Variants in HP1BP3 observed in about 807,000 individuals in gnomAD.
The protein encoded by HP1BP3 is heterochromatin protein 1 binding protein 3.
HP1BP3 carries 12 observed loss-of-function variants against 62.5 expected under a neutral mutation model. The observed-to-expected ratio is 0.19, with a 90% CI of 0.12 to 0.31. HP1BP3 has a LOEUF of 0.31. Ranked by LOEUF, HP1BP3 falls within the 10% of genes least tolerant of loss-of-function variation. HP1BP3 has a pLI of 1.00. For missense variants in HP1BP3, 502 were observed against 651.8 expected, an observed-to-expected ratio of 0.77 and a Z score of 2.50; for synonymous variants, 260 against 237.8, an observed-to-expected ratio of 1.09 and a Z score of -0.86.
At chr1:20,763,412 TA>T (rs1359300523) in intron 8 of HP1BP3, among the ~76,000 whole-genome samples, 1 of 152,256 alleles carries the variant, frequency 6.6e-6, no homozygotes. Context: ...TCTTTTGCAC[TA>T]TTTCACTAGC....
intron 12 of HP1BP3, 31 bp downstream of exon 12, chr1:20,745,512 C>G: frequency 6.2e-7 from 1 of 1,608,280 alleles, no homozygotes; most frequent in Non-Finnish European, 8.5e-7. Context: ...ATTTAGTGTC[C>G]TCCCCACAAG....
rs150174738 is a variant in HP1BP3 at position 20,784,887 on chromosome 1, C to A, written c.-101+2308G>T. Among the ~76,000 whole-genome samples the A allele has an allele frequency of 3.7e-3, 566 of 152,262 alleles. 4 individuals are homozygous for A. The highest frequency in any genetic ancestry group is 0.013 in the African/African-American group (537 of 41,534). ...ATCAGCTTGCTTAAACTTAATGTTACAACAATAACAAATATTTGCTTTTTG... is the reference window on the plus strand; with the variant it reads ...ATCAGCTTGCTTAAACTTAATGTTAAAACAATAACAAATATTTGCTTTTTG... On this transcript the variant is annotated intron_variant, in intron 1 of 12. Transcript: ENST00000438032.
chr1:20,783,508 G>A (rs1167214303), intron 1 of HP1BP3, among the ~76,000 whole-genome samples: 4 of 150,562 alleles, frequency 2.7e-5, no homozygotes, highest in Non-Finnish European at 4.4e-5. Flanking sequence ...TGAAGAGTGA[G>A]ACTCCATCTC....
At chr1:20,771,238 CAG>C (rs1180810426) in intron 5 of HP1BP3, among the ~76,000 whole-genome samples, 165 bp from the exon 6 acceptor site, 1 of 152,124 alleles carries the variant, frequency 6.6e-6, no homozygotes, top group African/African-American at 2.4e-5. Context: ...AGAGAAGTAA[CAG>C]AATTACTAAA....
chr1:20,762,598 T>C (rs899307266), intron 8 of HP1BP3, among the ~76,000 whole-genome samples: 8 of 152,152 alleles, frequency 5.3e-5, no homozygotes, highest in African/African-American at 1.7e-4. Flanking sequence ...TAAATGCATA[T>C]CTGATTGCCT....
chr1:20,779,959 T>C, intron 2 of HP1BP3, 48 bp from the exon 3 acceptor site: 2 of 1,439,954 alleles, frequency 1.4e-6, no homozygotes, highest in Admixed American at 3.8e-5. Flanking sequence ...AAAATTCTCT[T>C]TTCTCTCTTT....
chr1:20,778,089 C>T (rs1222969231), intron 3 of HP1BP3, among the ~76,000 whole-genome samples: 1 of 152,198 alleles, frequency 6.6e-6, no homozygotes, highest in Admixed American at 6.5e-5. Context: ...TTTATTTACA[C>T]TTTGTCTTAT....
intron 12 of HP1BP3, 89 bp from the exon 13 acceptor site, chr1:20,745,180 C>G: frequency 1.4e-6 from 2 of 1,399,906 alleles, no homozygotes; most frequent in Non-Finnish European, 1.9e-6. Flanking sequence ...AGAGAAACGG[C>G]ATATGAAGTG....
At chr1:20,762,553 G>A (rs1325216728) in intron 8 of HP1BP3, among the ~76,000 whole-genome samples, 4 of 152,048 alleles carry the variant, frequency 2.6e-5, no homozygotes, top group Non-Finnish European at 5.9e-5. Flanking sequence ...GCAGACAAAC[G>A]ACAGACAGAA....
Position 20,742,915 on chromosome 1 carries a change from T to C in HP1BP3, c.*1882A>G, listed in dbSNP as rs1490345393. ...AAGTGGAATGAATAAGAAACAAACA[T>C]CTTTTGCCTCTGGCAGTACTCAAGG... On this transcript the variant is annotated 3_prime_UTR_variant, in exon 13 of 13. Transcript: ENST00000438032. 3 of 152,578 alleles carry C rather than the reference T, an allele frequency of 2.0e-5. No individual in the cohort carries two copies. Among genetic ancestry groups the C allele is most frequent in the Non-Finnish European group, 2.9e-5 (2 of 68,018 alleles). 9.5% of individuals were successfully genotyped at this position (152,578 alleles called of 1,614,324 possible). A position where few individuals can be genotyped will look rare whatever the true frequency, so the allele number is the denominator to read the frequency against.
chr1:20,775,427 A>C (rs983455942), intron 4 of HP1BP3: 1 of 152,240 alleles, frequency 6.6e-6, no homozygotes, highest in African/African-American at 2.4e-5. Flanking sequence ...CTAGGGCTAC[A>C]GCTGTGCACC....
At chr1:20,763,118 T>G (rs143834930) in intron 8 of HP1BP3, among the ~76,000 whole-genome samples, 153 of 152,254 alleles carry the variant, frequency 1.0e-3, no homozygotes, top group African/African-American at 3.6e-3. Context: ...TTTTTTGCCA[T>G]GTGATACGAT....
At position 20,742,445 on chromosome 1, in the gene HP1BP3, T is replaced by C. The variant is rs2055108682; in HGVS notation, c.*2352A>G. ...ATCTTGGAAGCAGTCTTTAATAAAA[T>C]ACAAAATGATTTTTTAAACCTTTGA... On this transcript the variant is annotated 3_prime_UTR_variant, in exon 13 of 13. Transcript: ENST00000438032. Among the ~76,000 whole-genome samples the C allele has an allele frequency of 6.6e-6, 1 of 152,210 alleles. No individual in the cohort carries two copies. Among genetic ancestry groups the C allele is most frequent in the African/African-American group, 2.4e-5 (1 of 41,448 alleles).
At chr1:20,776,559 T>A (rs1327813195) in intron 4 of HP1BP3, 38 bp downstream of exon 4, 4 of 1,562,776 alleles carry the variant, frequency 2.6e-6, no homozygotes, top group Non-Finnish European at 3.5e-6. Flanking sequence ...TTTTACACAT[T>A]CTTCAAATAT....
At chr1:20,772,851 C>T (rs2057120917) in intron 5 of HP1BP3, among the ~76,000 whole-genome samples, 1 of 152,200 alleles carries the variant, frequency 6.6e-6, no homozygotes, top group African/African-American at 2.4e-5. Flanking sequence ...AGGAAAACTA[C>T]ATCTAATGAA....
intron 1 of HP1BP3, among the ~76,000 whole-genome samples, chr1:20,784,166 TG>T (rs2057707829): frequency 6.6e-6 from 1 of 152,088 alleles, no homozygotes; most frequent in East Asian, 1.9e-4. Flanking sequence ...AACAGGGTTT[TG>T]CCATGTTGCC....
chr1:20,779,678 C>T, intron 3 of HP1BP3, 134 bp downstream of exon 3: 1 of 534,336 alleles, frequency 1.9e-6, no homozygotes, highest in East Asian at 3.3e-5. Flanking sequence ...GCTACTGATT[C>T]TCTCTAAATG....
At chr1:20,787,083 C>T (rs2057879581) in intron 1 of HP1BP3, 112 bp downstream of exon 1, 1 of 151,866 alleles carries the variant, frequency 6.6e-6, no homozygotes, top group Non-Finnish European at 1.5e-5. Flanking sequence ...CGCCCCGCCC[C>T]CTCCTCTCTG....
rs763202727 is a variant in HP1BP3 at position 20,780,396 on chromosome 1, T to C, written c.45A>G (p.Ala15=). The C allele has an allele frequency of 6.2e-6, 10 of 1,613,702 alleles. No individual in the cohort carries two copies. The highest frequency in any genetic ancestry group is 2.2e-5 in the South Asian group (2 of 91,066). The change falls in exon 2 of 13, where the codon GCA becomes GCG. Residue 15 remains alanine (A), a synonymous_variant. Transcript: ENST00000438032. ...GCTGAGCTCCTACTATAAGTGGGAG[T>C]GCCTTAGGATGGACGAGTTCACCTT... ...TSQGELVHPK[A]LPLIVGAQLI...
Sources: gnomAD v4.1 joint callset for allele counts (sites outside exome capture counted in the v4.1 genomes callset) on GRCh38, gnomAD v4.1.1 for gene constraint, MANE v1.5 for transcripts, NCBI Gene and HGNC (gene_info 2026-07-23, HGNC 2026-07-21) for gene names.